The following ARL3 variants were observed in gnomAD, a reference collection of about 807,000 sequenced individuals.
The protein encoded by ARL3 is ADP-ribosylation factor-like protein 3.
Under a neutral mutation model 26.0 loss-of-function variants are expected in ARL3, and 9 were observed. The observed-to-expected ratio is 0.35, with a 90% CI of 0.21 to 0.60. The LOEUF is 0.60. ARL3 is among the 20% of genes least tolerant of loss of function. The pLI, the probability that ARL3 is intolerant of heterozygous loss-of-function variation, is 0.78. For synonymous variants in ARL3, 71 were observed against 78.4 expected, an observed-to-expected ratio of 0.91 and a Z score of 0.50; for missense variants, 158 against 215.7, an observed-to-expected ratio of 0.73 and a Z score of 1.67.
intron 1 of ARL3, among the ~76,000 whole-genome samples, chr10:102,712,960 T>A (rs540183815): frequency 3.3e-5 from 5 of 152,116 alleles, no homozygotes; most frequent in African/African-American, 1.2e-4. Context: ...CAAATAACCC[T>A]ACTTCTTTAA....
chr10:102,696,328 C>G (rs536396502), intron 3 of ARL3, among the ~76,000 whole-genome samples: 4 of 148,438 alleles, frequency 2.7e-5, no homozygotes, highest in African/African-American at 9.9e-5. Flanking sequence ...AGCAGTGGCG[C>G]AATCTTGGCT....
chr10:102,680,711 A>G (rs1176314384), intron 5 of ARL3, among the ~76,000 whole-genome samples: 2 of 152,160 alleles, frequency 1.3e-5, no homozygotes, highest in Non-Finnish European at 2.9e-5. Context: ...GGTGGCAGCC[A>G]TGGCTGTGTG....
At position 102,702,774 on chromosome 10, in the gene ARL3, C is replaced by T. The variant is rs563509428; in HGVS notation, c.147+2572G>A. ...GCTAGATTACTGTAATTTGCTTGGG[C>T]TATACATTAAATTTGTTCAGAAGCT... On this transcript the variant is annotated intron_variant, in intron 2 of 5. Coordinates refer to ENST00000260746, the MANE Select transcript of ARL3 (RefSeq NM_004311.4). 2.0e-5 allele frequency among the ~76,000 whole-genome samples: 3 copies of T among 152,262 alleles called. No homozygotes were observed. The East Asian group carries it at 5.8e-4, about 29-fold the overall frequency.
At position 102,681,216 on chromosome 10, in the gene ARL3, C is replaced by T. The variant is rs181102774; in HGVS notation, c.502-4275G>A. Among the ~76,000 whole-genome samples, 5 of 151,246 alleles carry T rather than the reference C, an allele frequency of 3.3e-5. No individual in the cohort carries two copies. The East Asian group carries it at 7.8e-4, about 24-fold the overall frequency. The stretch of plus-strand genomic sequence containing the variant: ...CAGCCTGGCCAACATGGTGAAACCT[C>T]GTTGCTACTAAAAAAAATACAAAAA... On this transcript the variant is annotated intron_variant, in intron 5 of 5. Coordinates refer to ENST00000260746, the MANE Select transcript of ARL3 (RefSeq NM_004311.4).
intron 4 of ARL3, among the ~76,000 whole-genome samples, chr10:102,686,437 T>C (rs561677679): frequency 2.0e-5 from 3 of 149,068 alleles, no homozygotes; most frequent in Admixed American, 6.7e-5. Context: ...CTTTCAAGAG[T>C]AGTGATTCTC....
intron 3 of ARL3, among the ~76,000 whole-genome samples, chr10:102,697,090 T>C (rs965330262): frequency 6.6e-6 from 1 of 152,060 alleles, no homozygotes; most frequent in Non-Finnish European, 1.5e-5. Context: ...TGTAAAACAA[T>C]GGTAAGTATT....
chr10:102,713,700 G>A (rs1590131467), intron 1 of ARL3, among the ~76,000 whole-genome samples: 1 of 152,216 alleles, frequency 6.6e-6, no homozygotes, highest in African/African-American at 2.4e-5. Context: ...AATCCACCAG[G>A]CATCCCTTCC....
At chr10:102,706,468 C>G (rs912438791) in intron 1 of ARL3, among the ~76,000 whole-genome samples, 2 of 151,896 alleles carry the variant, frequency 1.3e-5, no homozygotes, top group African/African-American at 4.8e-5. Flanking sequence ...AAGATTTTAT[C>G]TATTTCAGCA....
intron 1 of ARL3, 76 bp from the exon 2 acceptor site, chr10:102,705,565 T>G: frequency 1.5e-6 from 2 of 1,368,710 alleles, no homozygotes; most frequent in South Asian, 3.8e-5. Flanking sequence ...GAATAACTTC[T>G]CCTTGAAAAA....
Position 102,676,748 on chromosome 10 carries a change from A to G in ARL3, c.*146T>C. 1 of 746,162 alleles carries G rather than the reference A, an allele frequency of 1.3e-6. No homozygotes were observed. The highest frequency in any genetic ancestry group is 2.6e-5 in the East Asian group (1 of 39,196). 46.2% of individuals were successfully genotyped at this position (746,162 alleles called of 1,614,324 possible). A position where few individuals can be genotyped will look rare whatever the true frequency, so the allele number is the denominator to read the frequency against. ...AGTTAAATCTACTGCTGGAATGGGG[A>G]TTCTTTCTAAACCGTGTTGTTCCCT... On this transcript the variant is annotated 3_prime_UTR_variant, in exon 6 of 6. Coordinates refer to ENST00000260746, the MANE Select transcript of ARL3 (RefSeq NM_004311.4).
At chr10:102,709,717 G>A (rs533374765) in intron 1 of ARL3, among the ~76,000 whole-genome samples, 1 of 150,340 alleles carries the variant, frequency 6.7e-6, no homozygotes, top group East Asian at 2.0e-4. Flanking sequence ...GCAAAGCACA[G>A]ATAAGAAAGA....
rs538780852 is a variant in ARL3, at chr10:102,674,933, A to G, written c.*1961T>C. ...GGTGGTAAAAGAACAAAAATATTTT[A>G]CAGACCCTCCAATGCCAAAGTTCCA... On this transcript the variant is annotated 3_prime_UTR_variant, in exon 6 of 6. Transcript: ENST00000260746. 1 of 152,360 alleles carries G rather than the reference A, an allele frequency of 6.6e-6. No homozygotes were observed. The highest frequency in any genetic ancestry group is 6.5e-5 in the Admixed American group (1 of 15,308). 9.4% of individuals were successfully genotyped at this position (152,360 alleles called of 1,614,324 possible).
chr10:102,699,269 T>C (rs2064265401), intron 3 of ARL3, 104 bp downstream of exon 3: 2 of 780,028 alleles, frequency 2.6e-6, no homozygotes, highest in East Asian at 2.5e-5. Context: ...CAGTGATTAA[T>C]GTTATGGTGG....
At chr10:102,681,014 TC>T (rs2064153836) in intron 5 of ARL3, among the ~76,000 whole-genome samples, 1 of 152,132 alleles carries the variant, frequency 6.6e-6, no homozygotes, top group Admixed American at 6.5e-5. Context: ...GAGGTCTGAC[TC>T]ACAGATAAGC....
At chr10:102,687,738 G>T (rs954692798) in intron 4 of ARL3, among the ~76,000 whole-genome samples, 2 of 151,486 alleles carry the variant, frequency 1.3e-5, no homozygotes, top group East Asian at 3.9e-4. Flanking sequence ...TATTGCCCAC[G>T]CTGGTCTTGA....
chr10:102,704,082 C>T lies in ARL3; in HGVS notation c.147+1264G>A, dbSNP rs2064295523. 4.5e-5 allele frequency among the ~76,000 whole-genome samples: 6 copies of T among 134,694 alleles called. No homozygotes were observed. The South Asian group carries it at 9.7e-4, about 22-fold the overall frequency. The allele number at this position is 134,694 out of a possible 152,430, so 88.4% of individuals were successfully genotyped here. A position where few individuals can be genotyped will look rare whatever the true frequency, so the allele number is the denominator to read the frequency against. ...AGGAGAATCACTTGAACCCAGGAGG[C>T]GCAGGTTGCAGTGAGCTGAGATTGC... On this transcript the variant is annotated intron_variant, in intron 2 of 5. Transcript: ENST00000260746.
chr10:102,706,631 A>C (rs2064312503), intron 1 of ARL3, among the ~76,000 whole-genome samples: 1 of 152,102 alleles, frequency 6.6e-6, no homozygotes, highest in Admixed American at 6.6e-5. Flanking sequence ...CCATGAAGCA[A>C]AACAAAACAA....
rs1165510075 is a variant in ARL3, at chr10:102,676,882, T to A, written c.*12A>T. 6 of 1,613,816 alleles carry A rather than the reference T, an allele frequency of 3.7e-6. No homozygotes were observed. The highest frequency in any genetic ancestry group is 5.1e-6 in the Non-Finnish European group (6 of 1,179,730). On this transcript the variant is annotated 3_prime_UTR_variant, in exon 6 of 6. Transcript: ENST00000260746. ...GGCTCCCGCAGCTCCTGCATCTCCA[T>A]TCGTCTAGATTTTATTTCTTCTTTG...
chr10:102,704,931 G>A (rs2064300960), intron 2 of ARL3, among the ~76,000 whole-genome samples: 1 of 152,126 alleles, frequency 6.6e-6, no homozygotes, highest in African/African-American at 2.4e-5. Flanking sequence ...GTACTGTGAA[G>A]TGTGTCTGCG....
Sources: allele counts gnomAD v4.1 joint callset (sites outside exome capture counted in the v4.1 genomes callset), GRCh38; gene constraint gnomAD v4.1.1; transcripts MANE v1.5; gene names NCBI Gene and HGNC (gene_info 2026-07-23, HGNC 2026-07-21).